STXBP5: variants seen among roughly 807,000 people sequenced by gnomAD.
STXBP5 encodes syntaxin-binding protein 5.
In STXBP5, 50 loss-of-function variants were observed where a neutral mutation model predicts 152.4. The observed-to-expected ratio is 0.33, with a 90% confidence interval of 0.26 to 0.42. STXBP5 has a LOEUF of 0.42. Ranked by LOEUF, STXBP5 falls within the 10% of genes least tolerant of loss-of-function variation. The probability of loss-of-function intolerance (pLI) is 1.00; values close to 1 mark genes in which losing one functional copy is unlikely to be tolerated. For missense variants in STXBP5, 1,167 were observed against 1,388.6 expected (o/e 0.84, Z 2.54); for synonymous variants, 492 against 494.7 (o/e 0.99, Z 0.07).
chr6:147,363,296 T>G, intron 23 of STXBP5, 39 bp from the exon 24 acceptor site: 2 of 1,523,344 alleles, frequency 1.3e-6, no homozygotes, highest in Non-Finnish European at 1.8e-6. Context: ...CTCTGTTGAT[T>G]AAAATATTTC....
intron 14 of STXBP5, 57 bp from the exon 15 acceptor site, chr6:147,315,458 A>G: frequency 8.4e-7 from 1 of 1,190,562 alleles, no homozygotes; most frequent in Non-Finnish European, 1.2e-6. Context: ...ATTAAATGTT[A>G]CCTTATGTTT....
In STXBP5 at chr6:147,323,383, C is replaced by A. The variant is rs182888435; in HGVS notation, c.1803-1576C>A. On this transcript the variant is annotated intron_variant, in intron 16 of 27. Transcript: ENST00000321680. Reference sequence around the variant, plus strand: ...GATATTTCTTATCAACCTTCATTGGCCTTTAATTCTTCTTTTTTTTTTTTG... The same window carrying A: ...GATATTTCTTATCAACCTTCATTGGACTTTAATTCTTCTTTTTTTTTTTTG... Among the ~76,000 whole-genome samples, 6 of 152,134 alleles carry A rather than the reference C, an allele frequency of 3.9e-5. No homozygotes were observed. The East Asian group carries it at 9.7e-4, about 25-fold the overall frequency.
intron 7 of STXBP5, among the ~76,000 whole-genome samples, chr6:147,275,852 T>C (rs1461576295): frequency 6.6e-6 from 1 of 152,102 alleles, no homozygotes; most frequent in East Asian, 1.9e-4. Flanking sequence ...CCACCGTGCC[T>C]GGCCATAAAC....
At chr6:147,276,228 G>A (rs1780437502) in intron 7 of STXBP5, among the ~76,000 whole-genome samples, 1 of 151,952 alleles carries the variant, frequency 6.6e-6, no homozygotes, top group Non-Finnish European at 1.5e-5. Flanking sequence ...AACACGTCTT[G>A]TATTAAGTTG....
At position 147,268,032 on chromosome 6, in the gene STXBP5, C is replaced by A. The variant is rs145703746; in HGVS notation, c.714+865C>A. ...GCAAAGGCAGGATAAATATGTGGTT[C>A]TTTTCCTTTATTTTAGTATTCATCT... On this transcript the variant is annotated intron_variant, in intron 7 of 27. Transcript: ENST00000321680. Among the ~76,000 whole-genome samples the A allele has an allele frequency of 8.1e-3, 1,231 of 152,198 alleles. 19 individuals carry two copies. The highest frequency in any genetic ancestry group is 0.028 in the African/African-American group (1,181 of 41,526).
Position 147,222,071 on chromosome 6 carries a change from T to C in STXBP5, c.249-13179T>C, listed in dbSNP as rs1439542024. 2.6e-5 allele frequency among the ~76,000 whole-genome samples: 4 copies of C among 152,306 alleles called. No homozygotes were observed. In the East Asian group the frequency reaches 7.7e-4, roughly 29 times the overall value. ...GTCTGTCAAAGGCATTCTTTACTTCTGTTAAAGTGTTTTTGGATTCTAGCA... is the reference window on the plus strand; with the variant it reads ...GTCTGTCAAAGGCATTCTTTACTTCCGTTAAAGTGTTTTTGGATTCTAGCA... On this transcript the variant is annotated intron_variant, in intron 2 of 27. Coordinates refer to ENST00000321680, the MANE Select transcript of STXBP5 (RefSeq NM_001127715.4).
At chr6:147,240,095 C>T (rs760591745) in intron 4 of STXBP5, among the ~76,000 whole-genome samples, 1 of 151,978 alleles carries the variant, frequency 6.6e-6, no homozygotes, top group Non-Finnish European at 1.5e-5. Context: ...GCATGCACCA[C>T]AACACCTGGC....
At chr6:147,337,845 T>G (rs1455677192) in intron 19 of STXBP5, among the ~76,000 whole-genome samples, 1 of 152,058 alleles carries the variant, frequency 6.6e-6, no homozygotes, top group African/African-American at 2.4e-5. Context: ...AAATGATGTT[T>G]AACAGAAATA....
chr6:147,251,108 G>A (rs1582842811), intron 4 of STXBP5, among the ~76,000 whole-genome samples: 1 of 152,150 alleles, frequency 6.6e-6, no homozygotes, highest in East Asian at 1.9e-4. Flanking sequence ...CATTGGGATT[G>A]GTTAGACAGT....
intron 22 of STXBP5, among the ~76,000 whole-genome samples, chr6:147,353,823 G>T (rs941268602): frequency 8.6e-5 from 13 of 152,000 alleles, no homozygotes; most frequent in African/African-American, 2.9e-4. Context: ...CTAACTTTTT[G>T]ATTATAATAA....
At chr6:147,246,526 A>G (rs1050678369) in intron 4 of STXBP5, among the ~76,000 whole-genome samples, 1 of 152,124 alleles carries the variant, frequency 6.6e-6, no homozygotes, top group Admixed American at 6.5e-5. Flanking sequence ...TTTATAGAAT[A>G]TTTTCCCCTG....
chr6:147,334,233 T>A lies in STXBP5; in HGVS notation c.2146+11T>A, dbSNP rs772950055. ...AATCTCCAACCTCTGGTAATTTGGT[T>A]TTTTTTTATTTCATTAATAATTATG... On this transcript the variant is annotated intron_variant, in intron 19 of 27. Transcript: ENST00000321680. 3 of 1,608,134 alleles carry A rather than the reference T, an allele frequency of 1.9e-6. No homozygotes were observed. The highest frequency in any genetic ancestry group is 1.7e-6 in the Non-Finnish European group (2 of 1,177,300).
At chr6:147,372,449 T>TGAGACAGA (rs2128418606) in intron 25 of STXBP5, among the ~76,000 whole-genome samples, 2 of 111,248 alleles carry the variant, frequency 1.8e-5, no homozygotes, top group African/African-American at 6.8e-5. Context: ...TTTTTTTTTT[T>TGAGACAGA]TTTTTTTTTG....
chr6:147,373,555 ACT>A (rs1342358942), intron 25 of STXBP5, among the ~76,000 whole-genome samples, 174 bp from the exon 26 acceptor site: 1 of 152,158 alleles, frequency 6.6e-6, no homozygotes, highest in Non-Finnish European at 1.5e-5. Context: ...TTTTAGAAAC[ACT>A]GTTTGAATAA....
intron 1 of STXBP5, 44 bp from the exon 2 acceptor site, chr6:147,205,927 C>G (rs748477772): frequency 1.5e-5 from 23 of 1,483,964 alleles, no homozygotes; most frequent in Non-Finnish European, 2.2e-5. Context: ...TTTAAAATTT[C>G]GCTTGCTGCC....
At chr6:147,269,445 TA>T (rs1369645422) in intron 7 of STXBP5, among the ~76,000 whole-genome samples, 2 of 152,154 alleles carry the variant, frequency 1.3e-5, no homozygotes, top group Non-Finnish European at 2.9e-5. Flanking sequence ...TAGCCCGATA[TA>T]AATTTTACAA....
intron 1 of STXBP5, among the ~76,000 whole-genome samples, chr6:147,205,224 G>T (rs899556674): frequency 1.3e-5 from 2 of 152,004 alleles, no homozygotes; most frequent in African/African-American, 4.8e-5. Context: ...CACGATAATT[G>T]CCATAGCGTT....
At position 147,209,552 on chromosome 6, in the gene STXBP5, C is replaced by T. The variant is rs1044739260; in HGVS notation, c.248+3484C>T. On this transcript the variant is annotated intron_variant, in intron 2 of 27. Coordinates refer to ENST00000321680, the MANE Select transcript of STXBP5 (RefSeq NM_001127715.4). ...AAGGTGCAGTATTAAATGATTTCTT[C>T]AAGGAAGAATTTTATGATTTCAAGT... 4.6e-5 allele frequency among the ~76,000 whole-genome samples: 7 copies of T among 151,714 alleles called. No homozygotes were observed. The East Asian group carries it at 1.4e-3, about 29-fold the overall frequency.
chr6:147,381,538 C>A (rs76429723), intron 26 of STXBP5, among the ~76,000 whole-genome samples: 2 of 152,070 alleles, frequency 1.3e-5, no homozygotes, highest in African/African-American at 4.8e-5. Context: ...TAGGCATATA[C>A]CCAAGAAAAT....
Sources: gnomAD v4.1 joint callset for allele counts (sites outside exome capture counted in the v4.1 genomes callset) on GRCh38, gnomAD v4.1.1 for gene constraint, MANE v1.5 for transcripts, NCBI Gene and HGNC (gene_info 2026-07-23, HGNC 2026-07-21) for gene names.